Variants in GBP7 observed in about 807,000 individuals in gnomAD.
The protein encoded by GBP7 is guanylate-binding protein 7.
Under a neutral mutation model 61.3 loss-of-function variants are expected in GBP7, and 43 were observed. That is an observed-to-expected ratio of 0.70 (90% CI 0.55 to 0.91). GBP7 has a LOEUF of 0.91. Ranked by LOEUF, GBP7 falls within the 40% of genes least tolerant of loss-of-function variation. The pLI is 0.00. For synonymous variants in GBP7, 267 were observed against 271.0 expected (o/e 0.99, Z 0.14); for missense variants, 717 against 740.5 (o/e 0.97, Z 0.37).
At chr1:89,142,195 A>C (rs149849491) in intron 8 of GBP7, among the ~76,000 whole-genome samples, 164 of 125,586 alleles carry the variant, frequency 1.3e-3, no homozygotes, top group African/African-American at 5.0e-3. Flanking sequence ...AAAAAGACCG[A>C]ACAGGTAACT....
chr1:89,149,219 C>G, intron 7 of GBP7, 73 bp downstream of exon 7: 1 of 1,277,588 alleles, frequency 7.8e-7, no homozygotes, highest in East Asian at 2.4e-5. Context: ...TGAACCATGG[C>G]ATTAAAAAGG....
chr1:89,160,215 G>A (rs952714701), intron 3 of GBP7, among the ~76,000 whole-genome samples: 2 of 152,316 alleles, frequency 1.3e-5, no homozygotes, highest in Non-Finnish European at 2.9e-5. Flanking sequence ...CTGCTGTGGG[G>A]TGGAGGGAGT....
chr1:89,161,926 C>T (rs1476487794), intron 3 of GBP7, among the ~76,000 whole-genome samples: 1 of 151,886 alleles, frequency 6.6e-6, no homozygotes. Flanking sequence ...GTCTTTAATC[C>T]ATCTTGAGTT....
intron 2 of GBP7, 91 bp from the exon 3 acceptor site, chr1:89,164,949 C>T (rs1647382578): frequency 7.6e-7 from 1 of 1,311,412 alleles, no homozygotes; most frequent in Admixed American, 2.3e-5. Flanking sequence ...ACGTTAAGTT[C>T]CTGGCAGGGG....
intron 10 of GBP7, 120 bp downstream of exon 10, chr1:89,133,138 A>T (rs1360117644): frequency 4.1e-6 from 3 of 731,128 alleles, no homozygotes; most frequent in African/African-American, 3.5e-5. Flanking sequence ...TTGAAATTTA[A>T]GTGAAATATA....
intron 8 of GBP7, among the ~76,000 whole-genome samples, chr1:89,146,059 A>G (rs1032412631): frequency 3.9e-5 from 6 of 152,204 alleles, no homozygotes; most frequent in Non-Finnish European, 5.9e-5. Context: ...TGACTTCAAA[A>G]TCTACTACAA....
At chr1:89,160,636 ATAGT>A (rs749350665) in intron 3 of GBP7, among the ~76,000 whole-genome samples, 6 of 152,260 alleles carry the variant, frequency 3.9e-5, no homozygotes, top group Non-Finnish European at 7.3e-5. Flanking sequence ...TTCCTGGCAC[ATAGT>A]TAGTGCTATA....
In GBP7 at chr1:89,152,788, A is replaced by AT; in HGVS notation, c.319-12_319-11insA. On this transcript the variant is annotated splice_polypyrimidine_tract_variant and intron_variant, in intron 3 of 10. Coordinates refer to ENST00000294671, the MANE Select transcript of GBP7 (RefSeq NM_207398.3). ...ACTCTTAGGGTCACTCTAGTGTTAA[A>AT]GAAAAAAAAAAAAAAAATGGAAGCC... The AT allele has an allele frequency of 2.2e-5, 32 of 1,429,480 alleles. No homozygotes were observed. Among genetic ancestry groups the AT allele is most frequent in the South Asian group, 2.7e-5 (2 of 73,376 alleles). 88.5% of individuals were successfully genotyped at this position (1,429,480 alleles called of 1,614,324 possible). A position where few individuals can be genotyped will look rare whatever the true frequency, so the allele number is the denominator to read the frequency against.
At position 89,168,884 on chromosome 1, in the gene GBP7, G is replaced by A. The variant is rs1233303414; in HGVS notation, c.190+2862C>T. On this transcript the variant is annotated intron_variant, in intron 2 of 10. Transcript: ENST00000294671. ...CTCAGAAGGCTGAGGCAGGAGAATC[G>A]CTTGAACCCGGGAGGCGGAGGTTGC... 5.9e-5 allele frequency among the ~76,000 whole-genome samples: 9 copies of A among 152,172 alleles called. No homozygotes were observed. In the East Asian group the frequency reaches 1.4e-3, roughly 23 times the overall value.
intron 3 of GBP7, among the ~76,000 whole-genome samples, chr1:89,155,116 C>T (rs1231379087): frequency 6.6e-6 from 1 of 152,234 alleles, no homozygotes; most frequent in Non-Finnish European, 1.5e-5. Context: ...CAGCAAACTC[C>T]AACAGACCTG....
At chr1:89,145,797 A>G (rs1380543142) in intron 8 of GBP7, among the ~76,000 whole-genome samples, 1 of 152,204 alleles carries the variant, frequency 6.6e-6, no homozygotes, top group Non-Finnish European at 1.5e-5. Context: ...CAATCATAAA[A>G]TGCTGATGAA....
intron 2 of GBP7, among the ~76,000 whole-genome samples, chr1:89,166,981 C>T (rs1015401289): frequency 9.2e-5 from 14 of 152,210 alleles, no homozygotes; most frequent in Admixed American, 4.6e-4. Context: ...AACTTTCCCA[C>T]GTCTCAACCA....
At position 89,152,774 on chromosome 1, in the gene GBP7, C is replaced by T; in HGVS notation, c.322G>A (p.Asp108Asn). 8 of 1,498,974 alleles carry T rather than the reference C, an allele frequency of 5.3e-6. No homozygotes were observed. Among genetic ancestry groups the T allele is most frequent in the South Asian group, 1.2e-5 (1 of 85,128 alleles). 92.9% of individuals were successfully genotyped at this position (1,498,974 alleles called of 1,614,324 possible). A position where few individuals can be genotyped will look rare whatever the true frequency, so the allele number is the denominator to read the frequency against. ...TEGLGDMEKS[D>N]PKSDSWIFAL... ...AAGATCCACGAGTCACTCTTAGGGTCACTCTAGTGTTAAAGAAAAAAAAAA... is the reference window on the plus strand; with the variant it reads ...AAGATCCACGAGTCACTCTTAGGGTTACTCTAGTGTTAAAGAAAAAAAAAA... Residue 108 changes from aspartate to asparagine, a missense_variant, in exon 4 of 11, where the codon GAC becomes AAC. By Grantham distance (23) the Asp-to-Asn change is conservative. This residue lies in a region of GBP7 where 387 missense variants were observed against 385.2 expected (regional missense o/e 1.00). Coordinates refer to ENST00000294671, the MANE Select transcript of GBP7 (RefSeq NM_207398.3).
intron 1 of GBP7, among the ~76,000 whole-genome samples, chr1:89,172,166 T>C (rs1432542876): frequency 6.6e-6 from 1 of 152,214 alleles, no homozygotes. Context: ...AGAAGCATGA[T>C]AGGTATGAAG....
chr1:89,161,914 A>C (rs1265259060), intron 3 of GBP7, among the ~76,000 whole-genome samples: 2 of 152,108 alleles, frequency 1.3e-5, no homozygotes, highest in African/African-American at 4.8e-5. Flanking sequence ...TTGTATATTT[A>C]AGTCTTTAAT....
intron 8 of GBP7, among the ~76,000 whole-genome samples, chr1:89,144,139 C>T (rs938148270): frequency 1.9e-4 from 29 of 152,042 alleles, no homozygotes; most frequent in South Asian, 4.1e-4. Flanking sequence ...TTTGGTTTTC[C>T]GTTTCTGCAT....
At chr1:89,141,788 C>T (rs1681958225) in intron 8 of GBP7, 140 bp from the exon 9 acceptor site, 3 of 648,848 alleles carry the variant, frequency 4.6e-6, no homozygotes, top group African/African-American at 1.9e-5. Flanking sequence ...GGTTTCTTTC[C>T]TTCCACAGCC....
intron 9 of GBP7, among the ~76,000 whole-genome samples, chr1:89,140,210 T>G (rs1383729943): frequency 6.9e-6 from 1 of 144,766 alleles, no homozygotes; most frequent in African/African-American, 2.6e-5. Context: ...AAACACCACA[T>G]GTTCTCACTC....
intron 3 of GBP7, among the ~76,000 whole-genome samples, chr1:89,153,613 A>G (rs562999710): frequency 1.3e-5 from 2 of 152,338 alleles, no homozygotes; most frequent in South Asian, 4.1e-4. Flanking sequence ...TGTGGATGCA[A>G]AGTTCCATAA....
Sources: gnomAD v4.1 joint callset for allele counts (sites outside exome capture counted in the v4.1 genomes callset) on GRCh38, gnomAD v4.1.1 for gene constraint, gnomAD v4.1.1 regional missense constraint, MANE v1.5 for transcripts, NCBI Gene and HGNC (gene_info 2026-07-23, HGNC 2026-07-21) for gene names.